The following PCDH15 variants were observed in gnomAD, a reference collection of about 807,000 sequenced individuals.
PCDH15 encodes protocadherin related 15.
PCDH15 carries 129 observed loss-of-function variants against 178.5 expected under a neutral mutation model. The observed-to-expected ratio is 0.72, with a 90% CI of 0.63 to 0.84. The LOEUF (loss-of-function observed/expected upper bound fraction) is 0.84, where lower values mean the gene tolerates loss of function less well. PCDH15 is among the 40% of genes least tolerant of loss of function. The pLI is 0.00. For synonymous variants in PCDH15, 800 were observed against 732.0 expected (o/e 1.09, Z -1.50); for missense variants, 2,230 against 2,099.9 (o/e 1.06, Z -1.21).
chr10:53,979,365 G>C (rs902870985), intron 21 of PCDH15, among the ~76,000 whole-genome samples: 1 of 152,114 alleles, frequency 6.6e-6, no homozygotes, highest in African/African-American at 2.4e-5. Flanking sequence ...AGAAGGGCAT[G>C]GAAGTAACCT....
At chr10:54,998,715 A>G (rs1030512291) in intron 2 of PCDH15, among the ~76,000 whole-genome samples, 19 of 152,172 alleles carry the variant, frequency 1.2e-4, no homozygotes, top group African/African-American at 4.3e-4. Context: ...CTAATTTCAC[A>G]TAAATGCTTG....
intron 1 of PCDH15, among the ~76,000 whole-genome samples, chr10:55,184,215 G>T (rs573503634): frequency 4.5e-4 from 68 of 152,044 alleles, no homozygotes; most frequent in African/African-American, 1.5e-3. Context: ...AAGCACTGGT[G>T]GTAGCTGGTG....
At chr10:54,184,623 T>A (rs1413749898) in intron 12 of PCDH15, among the ~76,000 whole-genome samples, 2 of 152,090 alleles carry the variant, frequency 1.3e-5, no homozygotes, top group African/African-American at 4.8e-5. Flanking sequence ...GGCTGTTCTC[T>A]GTATTACAAT....
At chr10:54,195,928 T>C (rs748295113) in intron 10 of PCDH15, 39 bp from the exon 11 acceptor site, 13 of 1,568,760 alleles carry the variant, frequency 8.3e-6, no homozygotes, top group South Asian at 1.1e-5. Context: ...AGAAAGTATA[T>C]GTCGTGCTAT....
intron 2 of PCDH15, among the ~76,000 whole-genome samples, chr10:55,490,376 C>A (rs2132127398): frequency 6.6e-6 from 1 of 151,852 alleles, no homozygotes; most frequent in Non-Finnish European, 1.5e-5. Flanking sequence ...GAGTAACAAT[C>A]TGCACACAAA....
chr10:54,073,253 T>C (rs2094280609), intron 17 of PCDH15, among the ~76,000 whole-genome samples: 1 of 150,650 alleles, frequency 6.6e-6, no homozygotes, highest in South Asian at 2.1e-4. Context: ...AATATAGAAC[T>C]ATAGATATAA....
At chr10:55,509,019 T>C in intron 2 of PCDH15, among the ~76,000 whole-genome samples, 1 of 151,636 alleles carries the variant, frequency 6.6e-6, no homozygotes, top group Non-Finnish European at 1.5e-5. Flanking sequence ...ATACATAAAA[T>C]ACACTTAATA....
chr10:54,982,124 A>G (rs1016783426), intron 2 of PCDH15, among the ~76,000 whole-genome samples: 2 of 152,118 alleles, frequency 1.3e-5, no homozygotes, highest in African/African-American at 4.8e-5. Context: ...AGCCGTTCAA[A>G]AAACAAAGCT....
intron 3 of PCDH15, among the ~76,000 whole-genome samples, chr10:54,896,017 C>T (rs1954538739): frequency 6.6e-6 from 1 of 151,774 alleles, no homozygotes; most frequent in South Asian, 2.1e-4. Flanking sequence ...CTCCCGAGTA[C>T]CCAGGACTAG....
chr10:54,818,242 C>A (rs189967697), intron 3 of PCDH15, among the ~76,000 whole-genome samples: 27 of 152,056 alleles, frequency 1.8e-4, no homozygotes, highest in African/African-American at 5.1e-4. Flanking sequence ...GGCCTAAAGA[C>A]CTTTACTTAA....
intron 3 of PCDH15, among the ~76,000 whole-genome samples, chr10:54,891,196 C>G (rs1030795298): frequency 6.6e-6 from 1 of 151,968 alleles, no homozygotes; most frequent in Non-Finnish European, 1.5e-5. Flanking sequence ...ACCATCATGT[C>G]TATTCTATTC....
chr10:54,718,595 T>G (rs1345512261), intron 1 of PCDH15, among the ~76,000 whole-genome samples: 1 of 150,574 alleles, frequency 6.6e-6, no homozygotes, highest in Admixed American at 6.6e-5. Context: ...TAAGGAGAGA[T>G]AGCTTATCTA....
At chr10:55,380,945 T>G (rs1486258480) in intron 2 of PCDH15, among the ~76,000 whole-genome samples, 1 of 152,186 alleles carries the variant, frequency 6.6e-6, no homozygotes, top group African/African-American at 2.4e-5. Context: ...TCTGAAAGTT[T>G]ATTTGAAGTT....
At chr10:53,894,990 C>T (rs1564707937) in intron 26 of PCDH15, among the ~76,000 whole-genome samples, 1 of 152,150 alleles carries the variant, frequency 6.6e-6, no homozygotes, top group Admixed American at 6.5e-5. Context: ...TCCCAATTAG[C>T]TGCACATGTT....
intron 2 of PCDH15, among the ~76,000 whole-genome samples, chr10:55,456,377 T>C (rs916321329): frequency 2.4e-4 from 36 of 152,104 alleles, no homozygotes; most frequent in Non-Finnish European, 5.0e-4. Flanking sequence ...CTTAAAACTG[T>C]AAATTTTATA....
chr10:54,976,581 T>C (rs1265903042), intron 2 of PCDH15, among the ~76,000 whole-genome samples: 2 of 152,072 alleles, frequency 1.3e-5, no homozygotes, highest in East Asian at 1.9e-4. Context: ...TCACGAGTTG[T>C]GAGTTGTGGT....
chr10:55,410,245 A>T (rs547327946), intron 2 of PCDH15, among the ~76,000 whole-genome samples: 1 of 152,232 alleles, frequency 6.6e-6, no homozygotes, highest in East Asian at 1.9e-4. Context: ...AATTTTCTTG[A>T]TCATATTTGA....
intron 27 of PCDH15, among the ~76,000 whole-genome samples, chr10:53,862,395 T>C (rs898520495): frequency 6.6e-6 from 1 of 152,038 alleles, no homozygotes; most frequent in Non-Finnish European, 1.5e-5. Context: ...TTTTTTAACA[T>C]CCTGCATTGG....
rs781324011 is a variant in PCDH15 at position 53,823,341 on chromosome 10, T to C, written c.4368-3111A>G. On this transcript the variant is annotated intron_variant, in intron 32 of 37. Transcript: ENST00000644397. The stretch of plus-strand genomic sequence containing the variant: ...GTTATTTCCCCTGCTTTGTTGAAAA[T>C]GGTAGAGAAGGAAAAGACTTGAAAG... 2.0e-5 allele frequency: 33 copies of C among 1,613,500 alleles called. No homozygotes were observed. The highest frequency in any genetic ancestry group is 2.8e-5 in the Non-Finnish European group (33 of 1,179,670).
Sources: allele counts gnomAD v4.1 joint callset (sites outside exome capture counted in the v4.1 genomes callset), GRCh38; gene constraint gnomAD v4.1.1; transcripts MANE v1.5; gene names NCBI Gene and HGNC (gene_info 2026-07-23, HGNC 2026-07-21).